Variants in KAT6A observed in about 807,000 individuals in gnomAD.
KAT6A encodes lysine acetyltransferase 6A, also known as histone acetyltransferase KAT6A.
KAT6A carries 9 observed loss-of-function variants against 198.4 expected under a neutral mutation model. That is an observed-to-expected ratio of 0.05 (90% CI 0.03 to 0.08). The LOEUF is 0.08. Ranked by LOEUF, KAT6A falls within the 10% of genes least tolerant of loss-of-function variation. The probability of loss-of-function intolerance (pLI) is 1.00; values close to 1 mark genes in which losing one functional copy is unlikely to be tolerated. For synonymous variants in KAT6A, 890 were observed against 883.0 expected (o/e 1.01, Z -0.14); for missense variants, 2,077 against 2,509.9 (o/e 0.83, Z 3.69).
At chr8:42,036,580 T>C (rs1412435049) in intron 2 of KAT6A, among the ~76,000 whole-genome samples, 4 of 151,784 alleles carry the variant, frequency 2.6e-5, no homozygotes, top group African/African-American at 9.7e-5. Context: ...ACCACTGCAC[T>C]CCAGCCTGGG....
intron 11 of KAT6A, 78 bp downstream of exon 11, chr8:41,947,673 T>C: frequency 8.5e-7 from 1 of 1,170,872 alleles, no homozygotes; most frequent in Middle Eastern, 2.0e-4. Flanking sequence ...CATCTTGTTG[T>C]GTCCCCGAGT....
At chr8:41,949,976 T>A (rs566647043) in intron 9 of KAT6A, among the ~76,000 whole-genome samples, 27 of 152,338 alleles carry the variant, frequency 1.8e-4, no homozygotes, top group African/African-American at 5.5e-4. Flanking sequence ...CAAGGAACTT[T>A]TGTAGTATAC....
Position 41,934,138 on chromosome 8 carries a change from T to A in KAT6A, c.4082A>T (p.Glu1361Val). 1 of 1,614,118 alleles carries A rather than the reference T, an allele frequency of 6.2e-7. No individual in the cohort carries two copies. The highest frequency in any genetic ancestry group is 2.2e-5 in the East Asian group (1 of 44,876). The change falls in exon 17 of 17, where the codon GAA becomes GTA. Residue 1361 changes from glutamate (E) to valine (V), a missense_variant. This residue lies in a region of KAT6A where 178 missense variants were observed against 220.8 expected (regional missense o/e 0.81). Coordinates refer to ENST00000265713, the MANE Select transcript of KAT6A (RefSeq NM_006766.5). ...FLDANMQKSREKIKDKEETEL... is the reference protein window; with the variant it reads ...FLDANMQKSRVKIKDKEETEL... ...GGTTTCCTCTTTATCCTTTATCTTTTCCCTACTCTTCTGCATATTAGCATC... is the reference window on the plus strand; with the variant it reads ...GGTTTCCTCTTTATCCTTTATCTTTACCCTACTCTTCTGCATATTAGCATC...
intron 2 of KAT6A, among the ~76,000 whole-genome samples, chr8:42,032,535 T>A (rs1371361737): frequency 2.0e-5 from 3 of 152,202 alleles, no homozygotes; most frequent in African/African-American, 7.2e-5. Flanking sequence ...TCAAAGTTAA[T>A]AAATTATGAA....
At chr8:41,950,444 T>C (rs974673691) in intron 9 of KAT6A, among the ~76,000 whole-genome samples, 3 of 152,206 alleles carry the variant, frequency 2.0e-5, no homozygotes, top group African/African-American at 7.2e-5. Flanking sequence ...CTTATGTAGA[T>C]ACAACGGGTG....
rs995900630 is a variant in KAT6A at position 41,930,640 on chromosome 8, A to AATAGTTTCC, written c.*1556_*1564dup. On this transcript the variant is annotated 3_prime_UTR_variant, in exon 17 of 17. Coordinates refer to ENST00000265713, the MANE Select transcript of KAT6A (RefSeq NM_006766.5). ...TTTGACTGCACATACCAAGTGGTAT[A>AATAGTTTCC]ATAGTTTCCATCTTCTAATGATGGA... The AATAGTTTCC allele has an allele frequency of 1.2e-5, 2 of 173,886 alleles. No individual in the cohort carries two copies. The highest frequency in any genetic ancestry group is 4.9e-5 in the African/African-American group (2 of 40,890). The allele number at this position is 173,886 out of a possible 1,614,324, so 10.8% of individuals were successfully genotyped here.
At chr8:41,956,687 A>G (rs531008232) in intron 8 of KAT6A, among the ~76,000 whole-genome samples, 3 of 152,330 alleles carry the variant, frequency 2.0e-5, no homozygotes, top group African/African-American at 7.2e-5. Flanking sequence ...TAGACACCTC[A>G]AAACAAAAGA....
intron 2 of KAT6A, among the ~76,000 whole-genome samples, chr8:42,045,802 T>C: frequency 7.0e-6 from 1 of 142,424 alleles, no homozygotes; most frequent in Non-Finnish European, 1.5e-5. Context: ...TGAAACCCTG[T>C]CTCTACTAAA....
At chr8:41,936,177 G>A (rs1367832559) in intron 16 of KAT6A, among the ~76,000 whole-genome samples, 23 of 152,190 alleles carry the variant, frequency 1.5e-4, no homozygotes, top group Admixed American at 1.5e-3. Flanking sequence ...CACGAGAATC[G>A]CTTGAACCCG....
In KAT6A at chr8:41,942,927, C is replaced by G. The variant is rs750200395; in HGVS notation, c.2302G>C (p.Asp768His). ...AKLQLNLRPV[D>H]VDPECLRWTP... ...CAGCGCAAACATTCTGGATCTACAT[C>G]TACAGGTCGCAAATTCAGCTGAAGC... is the stretch of plus-strand genomic sequence containing the variant. Residue 768 changes from aspartate to histidine, a missense_variant, in exon 14 of 17, where the codon GAT (aspartate) becomes CAT (histidine). Coordinates refer to ENST00000265713, the MANE Select transcript of KAT6A (RefSeq NM_006766.5). 1.5e-5 allele frequency: 24 copies of G among 1,614,046 alleles called. No individual in the cohort carries two copies. The highest frequency in any genetic ancestry group is 1.9e-5 in the Non-Finnish European group (23 of 1,180,044).
At chr8:41,966,510 T>C (rs888228459) in intron 8 of KAT6A, among the ~76,000 whole-genome samples, 1 of 152,220 alleles carries the variant, frequency 6.6e-6, no homozygotes, top group South Asian at 2.1e-4. Context: ...TCCTGTATAG[T>C]AGTCATTGCT....
intron 2 of KAT6A, among the ~76,000 whole-genome samples, chr8:42,012,276 C>G (rs972092705): frequency 6.6e-5 from 10 of 152,154 alleles, no homozygotes; most frequent in African/African-American, 2.4e-4. Context: ...AAATGAAAAC[C>G]TAGAGTAGTA....
chr8:41,952,620 T>C (rs932651245), intron 9 of KAT6A, among the ~76,000 whole-genome samples: 1 of 152,238 alleles, frequency 6.6e-6, no homozygotes, highest in East Asian at 1.9e-4. Flanking sequence ...CTTGTGATCT[T>C]TGCATTTTTG....
chr8:41,983,108 C>T (rs938451242), intron 3 of KAT6A, among the ~76,000 whole-genome samples: 13 of 152,184 alleles, frequency 8.5e-5, no homozygotes, highest in Non-Finnish European at 1.6e-4. Flanking sequence ...AAAATGCTTC[C>T]TCTTCCAAGA....
intron 2 of KAT6A, among the ~76,000 whole-genome samples, chr8:42,034,867 T>C (rs1409166703): frequency 6.6e-6 from 1 of 152,198 alleles, no homozygotes; most frequent in African/African-American, 2.4e-5. Context: ...TTATCCCCAT[T>C]TTATAGAAGA....
At chr8:41,965,728 A>C (rs1260133618) in intron 8 of KAT6A, among the ~76,000 whole-genome samples, 1 of 152,196 alleles carries the variant, frequency 6.6e-6, no homozygotes, top group Non-Finnish European at 1.5e-5. Flanking sequence ...GGCAATGGTA[A>C]TACACTGAAT....
At chr8:42,041,925 T>C (rs932210603) in intron 2 of KAT6A, among the ~76,000 whole-genome samples, 2 of 152,196 alleles carry the variant, frequency 1.3e-5, no homozygotes, top group African/African-American at 4.8e-5. Flanking sequence ...TGAACAATCA[T>C]TCTGTCAAGC....
At chr8:41,969,941 A>C (rs1474731963) in intron 8 of KAT6A, among the ~76,000 whole-genome samples, 1 of 152,158 alleles carries the variant, frequency 6.6e-6, no homozygotes, top group Non-Finnish European at 1.5e-5. Context: ...TTTTGGAACT[A>C]TGTATAAATT....
chr8:41,993,611 T>C (rs906302621), intron 2 of KAT6A, among the ~76,000 whole-genome samples: 1 of 152,214 alleles, frequency 6.6e-6, no homozygotes, highest in Admixed American at 6.5e-5. Context: ...AGTGATAATT[T>C]CAGTTTGTTT....
Sources: allele counts gnomAD v4.1 joint callset (sites outside exome capture counted in the v4.1 genomes callset), GRCh38; gene constraint gnomAD v4.1.1; regional missense constraint gnomAD v4.1.1; transcripts MANE v1.5; gene names NCBI Gene and HGNC (gene_info 2026-07-23, HGNC 2026-07-21).